CACNA1A: variants seen among roughly 807,000 people sequenced by gnomAD.
CACNA1A encodes calcium voltage-gated channel subunit alpha1 A.
In CACNA1A, 57 loss-of-function variants were observed where a neutral mutation model predicts 262.4. The observed-to-expected ratio is 0.22, with a 90% CI of 0.18 to 0.27. The LOEUF (loss-of-function observed/expected upper bound fraction) is 0.27, where lower values mean the gene tolerates loss of function less well. CACNA1A is among the 10% of genes least tolerant of loss of function. The pLI, the probability that CACNA1A is intolerant of heterozygous loss-of-function variation, is 1.00. For missense variants in CACNA1A, 2,526 were observed against 3,562.8 expected (o/e 0.71, Z 7.41); for synonymous variants, 1,431 against 1,419.3 (o/e 1.01, Z -0.18).
chr19:13,432,403 A>G (rs1248948622), intron 3 of CACNA1A, among the ~76,000 whole-genome samples: 1 of 149,388 alleles, frequency 6.7e-6, no homozygotes, highest in Non-Finnish European at 1.5e-5. Context: ...TGACAGAGCG[A>G]GACTCCATCT....
chr19:13,359,261 C>T (rs1200480658), intron 6 of CACNA1A, among the ~76,000 whole-genome samples: 2 of 152,198 alleles, frequency 1.3e-5, no homozygotes, highest in African/African-American at 4.8e-5. Flanking sequence ...CCCTCGCCTA[C>T]GTCCAAAGAT....
chr19:13,215,632 T>A (rs1246617029), intron 38 of CACNA1A, among the ~76,000 whole-genome samples: 1 of 151,424 alleles, frequency 6.6e-6, no homozygotes, highest in Non-Finnish European at 1.5e-5. Flanking sequence ...TTTTTTTTTT[T>A]TTTTTGACAG....
intron 29 of CACNA1A, among the ~76,000 whole-genome samples, chr19:13,254,659 G>A (rs2056496645): frequency 6.6e-6 from 1 of 152,150 alleles, no homozygotes; most frequent in Non-Finnish European, 1.5e-5. Flanking sequence ...ACCGCGCCCA[G>A]CCCCCTCATT....
intron 4 of CACNA1A, among the ~76,000 whole-genome samples, chr19:13,370,235 G>T (rs1281346921): frequency 6.6e-6 from 1 of 151,516 alleles, no homozygotes; most frequent in African/African-American, 2.4e-5. Flanking sequence ...CGAGTAGCTG[G>T]GATTATAGAT....
intron 1 of CACNA1A, among the ~76,000 whole-genome samples, chr19:13,482,848 TTGTGTGTG>T (rs34754803): frequency 0.025 from 3,307 of 133,990 alleles, 50 homozygotes; most frequent in Middle Eastern, 0.048. Context: ...TTCTCTCAAC[TTGTGTGTG>T]TGTGTGTGTG....
At position 13,207,870 on chromosome 19, in the gene CACNA1A, GC is replaced by G. The variant is rs1360524578; in HGVS notation, c.6963del (p.Gln2321HisfsTer287). ...PPQQQQQQQQQQQQQAVARPG... is the reference protein window; with the variant it reads ...PPQQQQQQQQXQQQQAVARPG... ...GGCCTGGCCACCGCCTGCTGCTGCT[GC>G]TGCTGCTGCTGCTGCTGCTGCTGCT... is the stretch of plus-strand genomic sequence containing the variant. On this transcript the variant is annotated frameshift_variant, in exon 47 of 47. Transcript: ENST00000360228. LOFTEE classifies it low-confidence loss of function (END_TRUNC). The surrounding 1 kb of genome is among the most constrained non-coding windows in gnomAD (Gnocchi z 5.7). 3.1e-5 allele frequency: 36 copies of G among 1,160,010 alleles called. No individual in the cohort carries two copies. The highest frequency in any genetic ancestry group is 1.1e-4 in the Admixed American group (4 of 37,018). The allele number at this position is 1,160,010 out of a possible 1,614,324, so 71.9% of individuals were successfully genotyped here.
chr19:13,378,751 C>CG (rs1192878543), intron 3 of CACNA1A, among the ~76,000 whole-genome samples: 3 of 151,782 alleles, frequency 2.0e-5, no homozygotes, highest in Non-Finnish European at 2.9e-5. Flanking sequence ...CAATCTCCCC[C>CG]CCGCCTCCCA....
chr19:13,405,425 C>T (rs965461821), intron 3 of CACNA1A, among the ~76,000 whole-genome samples: 1 of 152,052 alleles, frequency 6.6e-6, no homozygotes, highest in African/African-American at 2.4e-5. Context: ...AGGCTGGCCT[C>T]GAACTCCCGT....
intron 15 of CACNA1A, 190 bp downstream of exon 15, chr19:13,307,592 G>A: frequency 5.2e-6 from 3 of 576,030 alleles, no homozygotes; most frequent in Non-Finnish European, 9.2e-6. Flanking sequence ...TCTTTCCAAT[G>A]ACATTCATCT....
chr19:13,485,132 C>T (rs1026012571), intron 1 of CACNA1A, among the ~76,000 whole-genome samples: 1 of 152,140 alleles, frequency 6.6e-6, no homozygotes, highest in East Asian at 1.9e-4. Flanking sequence ...GGTTGTCTTG[C>T]AGATCATTGG....
At chr19:13,458,478 G>T (rs2061056621) in intron 1 of CACNA1A, among the ~76,000 whole-genome samples, 1 of 151,768 alleles carries the variant, frequency 6.6e-6, no homozygotes, top group Non-Finnish European at 1.5e-5. Flanking sequence ...ATGGTTAATT[G>T]TGTTATATTA....
intron 3 of CACNA1A, among the ~76,000 whole-genome samples, chr19:13,399,870 G>T (rs2059870511): frequency 6.6e-6 from 1 of 152,126 alleles, no homozygotes; most frequent in Non-Finnish European, 1.5e-5. Flanking sequence ...TTCAGAAGTG[G>T]GGAGGTCCCT....
At chr19:13,328,169 C>A (rs1203073635) in intron 10 of CACNA1A, among the ~76,000 whole-genome samples, 1 of 151,922 alleles carries the variant, frequency 6.6e-6, no homozygotes, top group Admixed American at 6.6e-5. Flanking sequence ...CCTCCCAAAG[C>A]AGTGGGATTA....
intron 31 of CACNA1A, chr19:13,244,806 T>C (rs1246417061): frequency 6.5e-4 from 138 of 213,030 alleles, no homozygotes; most frequent in Non-Finnish European, 2.8e-5. Context: ...CAGAATTGAC[T>C]TGAAACCCAT....
intron 1 of CACNA1A, among the ~76,000 whole-genome samples, chr19:13,485,257 A>G (rs1193511934): frequency 6.6e-6 from 1 of 152,260 alleles, no homozygotes; most frequent in African/African-American, 2.4e-5. Flanking sequence ...GATTAAAGAC[A>G]TACAGTGAAC....
intron 3 of CACNA1A, among the ~76,000 whole-genome samples, chr19:13,410,647 A>G (rs2060094453): frequency 6.6e-6 from 1 of 151,694 alleles, no homozygotes; most frequent in Non-Finnish European, 1.5e-5. Context: ...GAACTCTTTA[A>G]AAGAGCTAGT....
intron 22 of CACNA1A, among the ~76,000 whole-genome samples, chr19:13,278,294 C>T (rs557529508): frequency 2.0e-4 from 31 of 152,256 alleles, no homozygotes; most frequent in African/African-American, 6.3e-4. Flanking sequence ...CCATTCAGCT[C>T]CCTGCCCTCA....
In CACNA1A at chr19:13,206,944, G is replaced by GTTTTTTTTTTTTTTTT. The variant is rs532268839; in HGVS notation, c.*353_*368dup. The GTTTTTTTTTTTTTTTT allele has an allele frequency of 1.5e-5, 1 of 65,110 alleles. No individual in the cohort carries two copies. The highest frequency in any genetic ancestry group is 2.7e-5 in the Non-Finnish European group (1 of 37,602). The allele number at this position is 65,110 out of a possible 1,614,324, so 4.0% of individuals were successfully genotyped here. ...TCTCCCCGTTTTTTCTTTTAAAAAT[G>GTTTTTTTTTTTTTTTT]TTTTTTTTTTTTTTTTTTTTTTTTT... On this transcript the variant is annotated 3_prime_UTR_variant, in exon 47 of 47. Coordinates refer to ENST00000360228, the MANE Select transcript of CACNA1A (RefSeq NM_001127222.2).
intron 15 of CACNA1A, 91 bp downstream of exon 15, chr19:13,307,691 G>A (rs1033427632): frequency 3.0e-6 from 3 of 988,922 alleles, no homozygotes; most frequent in Non-Finnish European, 4.8e-6. Context: ...TAGAGAAGGA[G>A]GAGTTCAGGG....
Sources: allele counts gnomAD v4.1 joint callset (sites outside exome capture counted in the v4.1 genomes callset), GRCh38; gene constraint gnomAD v4.1.1; non-coding constraint Gnocchi (gnomAD v3.1); transcripts MANE v1.5; gene names NCBI Gene and HGNC (gene_info 2026-07-23, HGNC 2026-07-21).